The following CRIM1 variants were observed in gnomAD, a reference collection of about 807,000 sequenced individuals.
The protein encoded by CRIM1 is cysteine-rich motor neuron 1 protein.
Under a neutral mutation model 116.4 loss-of-function variants are expected in CRIM1, and 32 were observed. The observed-to-expected ratio is 0.27, with a 90% CI of 0.21 to 0.37. CRIM1 has a LOEUF of 0.37. CRIM1 is among the 10% of genes least tolerant of loss of function. The pLI, the probability that CRIM1 is intolerant of heterozygous loss-of-function variation, is 1.00. For synonymous variants in CRIM1, 590 were observed against 509.2 expected, an observed-to-expected ratio of 1.16 and a Z score of -2.13; for missense variants, 1,331 against 1,354.8, an observed-to-expected ratio of 0.98 and a Z score of 0.28.
rs1449620721 is a variant in CRIM1, at chr2:36,537,377, G to A, written c.2454G>A (p.Val818=). The A allele has an allele frequency of 2.5e-6, 4 of 1,614,220 alleles. No homozygotes were observed. Among genetic ancestry groups the A allele is most frequent in the Admixed American group, 1.7e-5 (1 of 60,036 alleles). Residue 818 remains valine (V), a synonymous_variant, in exon 14 of 17, where the codon GTG becomes GTA. Transcript: ENST00000280527. ...AAGACACAATTCCAAAGAAGGTGGT[G>A]TGCCACTTCAGTGGGAAGGCCTATG... ...CIEDTIPKKV[V]CHFSGKAYAD...
In CRIM1 at chr2:36,472,889, A is replaced by G. The variant is rs189434263; in HGVS notation, c.992-4000A>G. On this transcript the variant is annotated intron_variant, in intron 5 of 16. Coordinates refer to ENST00000280527, the MANE Select transcript of CRIM1 (RefSeq NM_016441.3). ...TCAGATTAGTTTGTTAGCTAAAAGT[A>G]TATAGAAGAATTCTGAGCCATGGTA... Among the ~76,000 whole-genome samples the G allele has an allele frequency of 5.3e-5, 8 of 152,340 alleles. No individual in the cohort carries two copies. The East Asian group carries it at 1.5e-3, about 29-fold the overall frequency.
chr2:36,469,282 G>T (rs1010610649), intron 5 of CRIM1, among the ~76,000 whole-genome samples: 3 of 152,154 alleles, frequency 2.0e-5, no homozygotes, highest in African/African-American at 7.2e-5. Flanking sequence ...TAAGTTCAGA[G>T]AAAGGGGATC....
chr2:36,463,536 C>T (rs1205168095), intron 4 of CRIM1, among the ~76,000 whole-genome samples: 1 of 152,146 alleles, frequency 6.6e-6, no homozygotes, highest in Non-Finnish European at 1.5e-5. Context: ...TCATCTTCTC[C>T]ACCCTCTGAC....
At chr2:36,436,365 T>C (rs1423546571) in intron 2 of CRIM1, among the ~76,000 whole-genome samples, 1 of 152,196 alleles carries the variant, frequency 6.6e-6, no homozygotes, top group Non-Finnish European at 1.5e-5. Context: ...AAAAGGAATG[T>C]TAATTACAAA....
chr2:36,510,164 G>A (rs746988885), intron 9 of CRIM1, 25 bp downstream of exon 9: 21 of 1,603,002 alleles, frequency 1.3e-5, no homozygotes, highest in African/African-American at 4.0e-5. Context: ...ATTCAGAAAA[G>A]CTATTATGAA....
At chr2:36,460,210 G>A (rs576878635) in intron 4 of CRIM1, among the ~76,000 whole-genome samples, 63 of 152,264 alleles carry the variant, frequency 4.1e-4, no homozygotes, top group Non-Finnish European at 7.8e-4. Context: ...TTAACTCTAA[G>A]GATTACATTA....
chr2:36,530,608 TA>T (rs1332270911), intron 13 of CRIM1, among the ~76,000 whole-genome samples: 1 of 152,180 alleles, frequency 6.6e-6, no homozygotes, highest in Non-Finnish European at 1.5e-5. Flanking sequence ...AGGTATAAAC[TA>T]ACATTTTTAG....
intron 1 of CRIM1, among the ~76,000 whole-genome samples, chr2:36,362,622 G>T (rs1271627255): frequency 1.3e-5 from 2 of 152,168 alleles, no homozygotes; most frequent in African/African-American, 2.4e-5. Context: ...GCCCTGGGCA[G>T]TAGCCTGGTC....
chr2:36,405,032 A>C (rs3770920), intron 2 of CRIM1, among the ~76,000 whole-genome samples: 57,615 of 152,054 alleles, frequency 0.38, 11,303 homozygotes, highest in East Asian at 0.68. Context: ...GCTGTAGTAC[A>C]ACCCTGTGCT....
chr2:36,438,310 A>C (rs1675497094), intron 2 of CRIM1, among the ~76,000 whole-genome samples: 1 of 152,224 alleles, frequency 6.6e-6, no homozygotes, highest in South Asian at 2.1e-4. Flanking sequence ...CAAATTAACA[A>C]GAGTAGGAAT....
chr2:36,364,763 T>A (rs1669474611), intron 1 of CRIM1, among the ~76,000 whole-genome samples: 1 of 152,206 alleles, frequency 6.6e-6, no homozygotes, highest in Admixed American at 6.5e-5. Flanking sequence ...TTAATAGCTT[T>A]CTATTAAGTA....
intron 2 of CRIM1, among the ~76,000 whole-genome samples, chr2:36,437,225 A>T (rs1675384699): frequency 6.6e-6 from 1 of 152,152 alleles, no homozygotes; most frequent in Non-Finnish European, 1.5e-5. Context: ...AATACAAAAA[A>T]TTAGCCGGGC....
chr2:36,365,143 A>G lies in CRIM1; in HGVS notation c.331+8520A>G, dbSNP rs886183754. Among the ~76,000 whole-genome samples, 14 of 152,296 alleles carry G rather than the reference A, an allele frequency of 9.2e-5. No individual in the cohort carries two copies. The South Asian group carries it at 1.5e-3, about 16-fold the overall frequency. On this transcript the variant is annotated intron_variant, in intron 1 of 16. Coordinates refer to ENST00000280527, the MANE Select transcript of CRIM1 (RefSeq NM_016441.3). ...TACAGGGTCTATGCACCAAGGAAAC[A>G]TGCGTTGGTTTGATCCAGTGCAACT...
At chr2:36,538,226 C>G (rs1324352475) in intron 14 of CRIM1, among the ~76,000 whole-genome samples, 1 of 152,188 alleles carries the variant, frequency 6.6e-6, no homozygotes, top group African/African-American at 2.4e-5. Context: ...AGAGCCTCAC[C>G]TAGCCCTTCT....
At chr2:36,518,478 G>A (rs1211640430) in intron 12 of CRIM1, among the ~76,000 whole-genome samples, 1 of 152,052 alleles carries the variant, frequency 6.6e-6, no homozygotes, top group African/African-American at 2.4e-5. Context: ...CCGTCATTAT[G>A]TGCAGCATCA....
At chr2:36,426,095 A>G (rs1254559105) in intron 2 of CRIM1, among the ~76,000 whole-genome samples, 3 of 152,250 alleles carry the variant, frequency 2.0e-5, no homozygotes, top group African/African-American at 7.2e-5. Context: ...ACATGTTCCT[A>G]GAAAGTGATG....
At chr2:36,427,389 A>AG in intron 2 of CRIM1, among the ~76,000 whole-genome samples, 2 of 152,138 alleles carry the variant, frequency 1.3e-5, no homozygotes, top group African/African-American at 4.8e-5. Flanking sequence ...TCAGGTAATT[A>AG]ACTTCCCCTC....
intron 1 of CRIM1, among the ~76,000 whole-genome samples, chr2:36,375,711 G>A (rs1670270095): frequency 6.6e-6 from 1 of 152,078 alleles, no homozygotes; most frequent in African/African-American, 2.4e-5. Flanking sequence ...CACAGTATGT[G>A]GCTAAGTGAT....
chr2:36,412,009 A>T (rs571485055), intron 2 of CRIM1, among the ~76,000 whole-genome samples: 1 of 152,260 alleles, frequency 6.6e-6, no homozygotes, highest in East Asian at 1.9e-4. Context: ...ACACTAGTGA[A>T]GCTGACCCTA....
Sources: allele counts gnomAD v4.1 joint callset (sites outside exome capture counted in the v4.1 genomes callset), GRCh38; gene constraint gnomAD v4.1.1; transcripts MANE v1.5; gene names NCBI Gene and HGNC (gene_info 2026-07-23, HGNC 2026-07-21).